OR3A2: variants seen among roughly 807,000 people sequenced by gnomAD.
The protein encoded by OR3A2 is olfactory receptor 3A2.
For missense variants in OR3A2, 318 were observed against 392.8 expected, an observed-to-expected ratio of 0.81 and a Z score of 1.61; for synonymous variants, 126 against 159.3, an observed-to-expected ratio of 0.79 and a Z score of 1.57.
intron 3 of OR3A2, among the ~76,000 whole-genome samples, chr17:3,323,168 A>T (rs970026324): frequency 6.6e-6 from 1 of 152,118 alleles, no homozygotes; most frequent in Admixed American, 6.6e-5. Context: ...AGTCTGTTTT[A>T]TCAGAGACTA....
intron 2 of OR3A2, among the ~76,000 whole-genome samples, chr17:3,348,428 C>G (rs543276064): frequency 3.0e-4 from 45 of 151,900 alleles, no homozygotes; most frequent in Admixed American, 2.6e-3. Flanking sequence ...GAAAGGGTAT[C>G]AGTGATGGAA....
chr17:3,292,027 G>A, intron 3 of OR3A2: 2 of 1,614,240 alleles, frequency 1.2e-6, no homozygotes, highest in African/African-American at 1.3e-5. Flanking sequence ...TGGAAGAGCT[G>A]TGGGAGGTCA....
At chr17:3,378,225 T>C (rs1171686123) in intron 2 of OR3A2, among the ~76,000 whole-genome samples, 1 of 152,210 alleles carries the variant, frequency 6.6e-6, no homozygotes, top group African/African-American at 2.4e-5. Flanking sequence ...TGTAGGCCCA[T>C]GCCAAGCTGC....
chr17:3,320,399 A>G (rs1446858476), intron 3 of OR3A2, among the ~76,000 whole-genome samples: 2 of 144,346 alleles, frequency 1.4e-5, no homozygotes, highest in African/African-American at 2.6e-5. Context: ...CCCATTTGTC[A>G]ATTTTGTCTT....
chr17:3,371,518 G>GT (rs1434196998), intron 2 of OR3A2, among the ~76,000 whole-genome samples: 2 of 144,356 alleles, frequency 1.4e-5, no homozygotes, highest in Non-Finnish European at 1.5e-5. Context: ...CCGGGCGGGG[G>GT]GCTGACCCCA....
At chr17:3,334,956 G>A (rs749161176) in intron 3 of OR3A2, among the ~76,000 whole-genome samples, 3 of 152,148 alleles carry the variant, frequency 2.0e-5, no homozygotes, top group Non-Finnish European at 4.4e-5. Context: ...GTGACAGTTT[G>A]TCTCCATTAG....
chr17:3,331,112 G>C lies in OR3A2; in HGVS notation c.-85+4921C>G, dbSNP rs2049228784. On this transcript the variant is annotated intron_variant, in intron 3 of 4. Coordinates refer to the OR3A2 transcript ENST00000573491. The stretch of plus-strand genomic sequence containing the variant: ...TAGTCTGATGGGCTTCCCTTTGAGG[G>C]TAACCCGACCTTTCTCTCTGGCTGC... Among the ~76,000 whole-genome samples the C allele has an allele frequency of 2.0e-5, 3 of 152,136 alleles. No homozygotes were observed. The South Asian group carries it at 6.2e-4, about 32-fold the overall frequency.
At chr17:3,291,945 G>A in intron 3 of OR3A2, 10 of 1,614,204 alleles carry the variant, frequency 6.2e-6, no homozygotes, top group East Asian at 2.2e-5. Flanking sequence ...GAGAGCCATG[G>A]GGGTACCTGC....
chr17:3,335,414 G>A (rs1018921193), intron 3 of OR3A2, among the ~76,000 whole-genome samples: 2 of 152,006 alleles, frequency 1.3e-5, no homozygotes, highest in Non-Finnish European at 2.9e-5. Flanking sequence ...GTATCCAAGA[G>A]GGATTTTTCC....
intron 2 of OR3A2, among the ~76,000 whole-genome samples, chr17:3,361,274 G>C (rs1195610174): frequency 6.6e-6 from 1 of 151,164 alleles, no homozygotes; most frequent in South Asian, 2.1e-4. Context: ...TGTATCCTGA[G>C]ACTTTGCTGA....
chr17:3,324,178 G>A (rs1310596046), intron 3 of OR3A2, among the ~76,000 whole-genome samples: 7 of 151,966 alleles, frequency 4.6e-5, no homozygotes, highest in African/African-American at 7.3e-5. Context: ...CATTCGTCAC[G>A]TAGTTCTCGT....
rs1454136427 is a variant in OR3A2, at chr17:3,284,080, A to T, written c.-7+278T>A. Among the ~76,000 whole-genome samples, 5 of 148,680 alleles carry T rather than the reference A, an allele frequency of 3.4e-5. No homozygotes were observed. In the South Asian group the frequency reaches 1.1e-3, roughly 33 times the overall value. ...GAGGCTCAAGGACTTCGCTGGAGCGAGGGTTCCCCGCTGCCTGATGCAGTG... is the reference window on the plus strand; with the variant it reads ...GAGGCTCAAGGACTTCGCTGGAGCGTGGGTTCCCCGCTGCCTGATGCAGTG... On this transcript the variant is annotated intron_variant, in intron 1 of 1. Transcript: ENST00000642052.
chr17:3,361,875 C>A (rs1466348527), intron 2 of OR3A2, among the ~76,000 whole-genome samples: 3 of 151,480 alleles, frequency 2.0e-5, no homozygotes, highest in South Asian at 2.1e-4. Context: ...GTCTAAAATT[C>A]TCTTTTTTTG....
chr17:3,369,320 T>G (rs1450840612), intron 2 of OR3A2, among the ~76,000 whole-genome samples: 1 of 152,200 alleles, frequency 6.6e-6, no homozygotes, highest in African/African-American at 2.4e-5. Flanking sequence ...GTTCCAGTTC[T>G]CAGGGGGAAG....
intron 3 of OR3A2, among the ~76,000 whole-genome samples, chr17:3,289,746 A>G (rs2048847793): frequency 6.6e-6 from 1 of 152,190 alleles, no homozygotes; most frequent in Non-Finnish European, 1.5e-5. Flanking sequence ...ATTCAAGGTC[A>G]AGCGTGTCGT....
chr17:3,312,813 G>A (rs1170540983), intron 3 of OR3A2, among the ~76,000 whole-genome samples: 6 of 151,782 alleles, frequency 4.0e-5, no homozygotes, highest in Admixed American at 2.6e-4. Flanking sequence ...TACTGGAGAC[G>A]GGGTTTTACC....
intron 2 of OR3A2, among the ~76,000 whole-genome samples, chr17:3,374,371 A>T (rs749278804): frequency 3.9e-5 from 6 of 152,166 alleles, no homozygotes; most frequent in African/African-American, 4.8e-5. Context: ...AGGTTTCCTC[A>T]ATTATTCCCT....
In OR3A2 at chr17:3,327,965, T is replaced by C. The variant is rs1040102570; in HGVS notation, c.-85+8068A>G. 9.0e-4 allele frequency among the ~76,000 whole-genome samples: 116 copies of C among 128,394 alleles called. 9 individuals are homozygous for C. The highest frequency in any genetic ancestry group is 2.1e-3 in the Admixed American group (26 of 12,578). The allele number at this position is 128,394 out of a possible 152,430, so 84.2% of individuals were successfully genotyped here. A position where few individuals can be genotyped will look rare whatever the true frequency, so the allele number is the denominator to read the frequency against. On this transcript the variant is annotated intron_variant, in intron 3 of 4. Transcript: ENST00000573491. Reference sequence around the variant, plus strand: ...TGCTGTTTTGGTTACTGTAGCCTTGTAGTATAGTTTGAAGTCAGGTAGTGT... The same window carrying C: ...TGCTGTTTTGGTTACTGTAGCCTTGCAGTATAGTTTGAAGTCAGGTAGTGT...
At chr17:3,382,394 C>T (rs2049744634) in intron 2 of OR3A2, among the ~76,000 whole-genome samples, 1 of 152,198 alleles carries the variant, frequency 6.6e-6, no homozygotes, top group African/African-American at 2.4e-5. Flanking sequence ...GCTTCTGTCT[C>T]AGCCCACAGG....
Sources: allele counts gnomAD v4.1 joint callset (sites outside exome capture counted in the v4.1 genomes callset), GRCh38; gene constraint gnomAD v4.1.1; transcripts MANE v1.5; gene names NCBI Gene and HGNC (gene_info 2026-07-23, HGNC 2026-07-21).